Variants in RIN2 observed in about 807,000 individuals in gnomAD.
RIN2 encodes the protein Ras and Rab interactor 2.
In RIN2, 36 loss-of-function variants were observed where a neutral mutation model predicts 78.0. The ratio of observed to expected loss-of-function variants is 0.46; its 90% CI spans 0.35 to 0.61. RIN2 has a LOEUF of 0.61. Ranked by LOEUF, RIN2 falls within the 20% of genes least tolerant of loss-of-function variation. RIN2 has a pLI of 0.00. For missense variants in RIN2, 1,087 were observed against 1,159.7 expected (o/e 0.94, Z 0.91); for synonymous variants, 466 against 466.8 (o/e 1.00, Z 0.02).
chr20:19,952,129 G>A (rs977832666), intron 4 of RIN2, among the ~76,000 whole-genome samples: 5 of 152,184 alleles, frequency 3.3e-5, no homozygotes, highest in African/African-American at 1.2e-4. Context: ...GCTCAGCAGC[G>A]TGAATAGCCC....
In RIN2 at chr20:19,833,207, A is replaced by G. The variant is rs563749660; in HGVS notation, c.-37+33460A>G. ...ACAAACCGTCTTTTCAATGATAGTC[A>G]TCTCCTGATATGCTGGTCTTGCCAA... On this transcript the variant is annotated intron_variant, in intron 2 of 12. Transcript: ENST00000255006. Among the ~76,000 whole-genome samples the G allele has an allele frequency of 2.6e-5, 4 of 152,198 alleles. No individual in the cohort carries two copies. In the South Asian group the frequency reaches 8.3e-4, roughly 32 times the overall value.
chr20:19,779,130 C>G (rs140514799), intron 1 of RIN2, among the ~76,000 whole-genome samples: 2,113 of 152,262 alleles, frequency 0.014, 18 homozygotes, highest in Non-Finnish European at 0.02. Flanking sequence ...AAAAAGGAGA[C>G]TGAGCCATAT....
chr20:19,907,744 A>G (rs573765781), intron 3 of RIN2, among the ~76,000 whole-genome samples: 2 of 152,316 alleles, frequency 1.3e-5, no homozygotes, highest in Non-Finnish European at 2.9e-5. Flanking sequence ...AGTAAAAGCC[A>G]ATATTCCCTT....
intron 2 of RIN2, among the ~76,000 whole-genome samples, chr20:19,830,759 G>A (rs1006097137): frequency 6.6e-6 from 1 of 152,210 alleles, no homozygotes; most frequent in Non-Finnish European, 1.5e-5. Context: ...ACCATGGGGA[G>A]TCTATAGCTG....
At chr20:19,851,018 GA>G (rs1321336930) in intron 2 of RIN2, among the ~76,000 whole-genome samples, 8 of 117,722 alleles carry the variant, frequency 6.8e-5, no homozygotes, top group Admixed American at 3.2e-4. Flanking sequence ...AGGAAGGAAG[GA>G]AGGAAGGAAG....
intron 2 of RIN2, among the ~76,000 whole-genome samples, chr20:19,876,942 C>T (rs752597966): frequency 1.3e-5 from 2 of 151,792 alleles, no homozygotes; most frequent in Non-Finnish European, 2.9e-5. Flanking sequence ...AAAAAACAAC[C>T]ACATACCAAG....
At chr20:19,855,190 T>C (rs993809509) in intron 2 of RIN2, among the ~76,000 whole-genome samples, 3 of 152,198 alleles carry the variant, frequency 2.0e-5, no homozygotes, top group African/African-American at 7.2e-5. Context: ...CATTTATTGA[T>C]TTGCGTATGT....
chr20:19,845,528 G>A (rs1382599601), intron 2 of RIN2, among the ~76,000 whole-genome samples: 1 of 150,660 alleles, frequency 6.6e-6, no homozygotes, highest in Admixed American at 6.6e-5. Flanking sequence ...CCACATAAAT[G>A]TCTTCTTTTG....
At chr20:19,793,185 A>G (rs2034943284) in intron 1 of RIN2, among the ~76,000 whole-genome samples, 1 of 152,230 alleles carries the variant, frequency 6.6e-6, no homozygotes, top group Admixed American at 6.5e-5. Flanking sequence ...GGTAAAATTA[A>G]TTTTAATAAG....
At chr20:19,894,952 G>A (rs902453881) in intron 3 of RIN2, among the ~76,000 whole-genome samples, 9 of 151,972 alleles carry the variant, frequency 5.9e-5, no homozygotes, top group Admixed American at 2.0e-4. Context: ...CCACTTTCCC[G>A]GAACTCTTCC....
At chr20:19,841,287 G>C (rs1057343525) in intron 2 of RIN2, among the ~76,000 whole-genome samples, 6 of 151,774 alleles carry the variant, frequency 4.0e-5, no homozygotes, top group African/African-American at 1.4e-4. Context: ...TCGGTGAAGG[G>C]TTTTTTCAAA....
At position 19,889,807 on chromosome 20, in the gene RIN2, A is replaced by C; in HGVS notation, c.57+149A>C. The C allele has an allele frequency of 6.9e-6, 4 of 577,248 alleles. No individual in the cohort carries two copies. The South Asian group carries it at 1.2e-4, about 17-fold the overall frequency. The allele number at this position is 577,248 out of a possible 1,614,324, so 35.8% of individuals were successfully genotyped here. On this transcript the variant is annotated intron_variant, in intron 3 of 12. Transcript: ENST00000255006. Reference sequence around the variant, plus strand: ...TGCCCGAGCCCAGCTGCTGATTGTTACCAGGGCTTATAACAGGTTGCGGGG... The same window carrying C: ...TGCCCGAGCCCAGCTGCTGATTGTTCCCAGGGCTTATAACAGGTTGCGGGG...
intron 3 of RIN2, among the ~76,000 whole-genome samples, chr20:19,916,896 T>C (rs554884704): frequency 7.2e-4 from 109 of 152,294 alleles, no homozygotes; most frequent in Middle Eastern, 6.8e-3. Context: ...CTGCTTGATA[T>C]ACAGATCCTG....
At position 19,975,014 on chromosome 20, in the gene RIN2, C is replaced by A; in HGVS notation, c.989C>A (p.Thr330Asn). 6.7e-7 allele frequency: 1 copy of A among 1,495,958 alleles called. No homozygotes were observed. Among genetic ancestry groups the A allele is most frequent in the Non-Finnish European group, 9.0e-7 (1 of 1,107,234 alleles). 92.7% of individuals were successfully genotyped at this position (1,495,958 alleles called of 1,614,324 possible). A position where few individuals can be genotyped will look rare whatever the true frequency, so the allele number is the denominator to read the frequency against. Residue 330 changes from threonine (T) to asparagine (N), a missense_variant, in exon 9 of 13, where the codon ACC becomes AAC. Transcript: ENST00000255006. This position sits in a 1 kb window ranked among gnomAD's most constrained non-coding sequence, Gnocchi z 4.9. ...HTSPRLARTE[T>N]QTSMPETVNH... ...AGCCCTCGGCTGGCCAGGACTGAAA[C>A]CCAGACGAGCATGCCAGAAACAGTC...
intron 3 of RIN2, among the ~76,000 whole-genome samples, chr20:19,898,457 A>T (rs1321380966): frequency 6.6e-6 from 1 of 152,240 alleles, no homozygotes; most frequent in Non-Finnish European, 1.5e-5. Context: ...ACAATATAGA[A>T]TGAACACCTG....
chr20:19,867,218 CT>C (rs1392201195), intron 2 of RIN2, among the ~76,000 whole-genome samples: 1 of 152,140 alleles, frequency 6.6e-6, no homozygotes, highest in Non-Finnish European at 1.5e-5. Context: ...CACACACACA[CT>C]TTTTTCTAAA....
At chr20:19,827,292 G>A (rs2036122586) in intron 2 of RIN2, among the ~76,000 whole-genome samples, 1 of 152,084 alleles carries the variant, frequency 6.6e-6, no homozygotes, top group African/African-American at 2.4e-5. Context: ...TAATTTTCTA[G>A]TCTAATAGCC....
chr20:19,976,279 T>A (rs141862986), intron 9 of RIN2, among the ~76,000 whole-genome samples: 129 of 152,288 alleles, frequency 8.5e-4, no homozygotes, highest in African/African-American at 2.8e-3. Flanking sequence ...AGCTTACCTG[T>A]GGGACAACTA....
chr20:19,879,957 T>C (rs530807798), intron 2 of RIN2, among the ~76,000 whole-genome samples: 52 of 152,286 alleles, frequency 3.4e-4, no homozygotes, highest in Non-Finnish European at 6.2e-4. Flanking sequence ...TCAAAAAATA[T>C]GTATTTTTTT....
Sources: allele counts gnomAD v4.1 joint callset (sites outside exome capture counted in the v4.1 genomes callset), GRCh38; gene constraint gnomAD v4.1.1; non-coding constraint Gnocchi (gnomAD v3.1); transcripts MANE v1.5; gene names NCBI Gene and HGNC (gene_info 2026-07-23, HGNC 2026-07-21).